The following ETV6 variants were observed in gnomAD, a reference collection of about 807,000 sequenced individuals.
The protein encoded by ETV6 is transcription factor ETV6.
In ETV6, 16 loss-of-function variants were observed where a neutral mutation model predicts 51.1. The ratio of observed to expected loss-of-function variants is 0.31; its 90% confidence interval spans 0.21 to 0.48. The LOEUF is 0.48. Ranked by LOEUF, ETV6 falls within the 20% of genes least tolerant of loss-of-function variation. ETV6 has a pLI of 0.99. For missense variants in ETV6, 458 were observed against 594.8 expected (o/e 0.77, Z 2.39); for synonymous variants, 240 against 224.1 (o/e 1.07, Z -0.64).
intron 1 of ETV6, among the ~76,000 whole-genome samples, chr12:11,719,555 C>T (rs1865343189): frequency 6.6e-6 from 1 of 152,238 alleles, no homozygotes; most frequent in Admixed American, 6.5e-5. Flanking sequence ...AGTAATAAAG[C>T]AAACCAGTTT....
chr12:11,886,732 C>A (rs1947192405), intron 7 of ETV6, among the ~76,000 whole-genome samples: 8 of 152,074 alleles, frequency 5.3e-5, no homozygotes, highest in Admixed American at 5.2e-4. Context: ...GATTGTAATT[C>A]CAAGTACTAT....
At chr12:11,653,579 C>T (rs758936723) in intron 1 of ETV6, among the ~76,000 whole-genome samples, 6 of 152,104 alleles carry the variant, frequency 3.9e-5, no homozygotes, top group Non-Finnish European at 7.4e-5. Context: ...TGGCAGCTGG[C>T]ATAGAAATAT....
At chr12:11,812,920 C>T (rs974717376) in intron 2 of ETV6, among the ~76,000 whole-genome samples, 1 of 152,204 alleles carries the variant, frequency 6.6e-6, no homozygotes, top group Non-Finnish European at 1.5e-5. Context: ...TTAGTGATTT[C>T]CTGCCACCCA....
intron 1 of ETV6, among the ~76,000 whole-genome samples, chr12:11,710,857 A>C (rs1865160246): frequency 6.6e-6 from 1 of 152,172 alleles, no homozygotes; most frequent in African/African-American, 2.4e-5. Flanking sequence ...TGGTTAGTGT[A>C]GGGTCATGAG....
chr12:11,754,884 C>T (rs1486308379), intron 2 of ETV6, among the ~76,000 whole-genome samples: 1 of 152,224 alleles, frequency 6.6e-6, no homozygotes, highest in Non-Finnish European at 1.5e-5. Context: ...TTAATTCATT[C>T]TCACAATACC....
chr12:11,792,603 C>G (rs925083358), intron 2 of ETV6, among the ~76,000 whole-genome samples: 9 of 151,782 alleles, frequency 5.9e-5, no homozygotes, highest in Non-Finnish European at 1.2e-4. Flanking sequence ...GGGAGAATTG[C>G]TTGAACCCGG....
chr12:11,679,614 C>G (rs931130881), intron 1 of ETV6, among the ~76,000 whole-genome samples: 2 of 152,282 alleles, frequency 1.3e-5, no homozygotes, highest in African/African-American at 4.8e-5. Flanking sequence ...TAAATAAATA[C>G]TTTTTTAAAT....
chr12:11,773,269 A>G (rs975126830), intron 2 of ETV6, among the ~76,000 whole-genome samples: 1 of 150,678 alleles, frequency 6.6e-6, no homozygotes, highest in Admixed American at 6.6e-5. Flanking sequence ...CTTTGTTGGT[A>G]TAAAGAATTT....
intron 2 of ETV6, among the ~76,000 whole-genome samples, chr12:11,759,643 A>G (rs370827973): frequency 1.3e-5 from 2 of 152,114 alleles, no homozygotes; most frequent in South Asian, 4.1e-4. Context: ...CCAACCCTCA[A>G]TACGTCTGTG....
chr12:11,866,647 G>C (rs1314958986), intron 4 of ETV6, among the ~76,000 whole-genome samples: 1 of 152,114 alleles, frequency 6.6e-6, no homozygotes, highest in Non-Finnish European at 1.5e-5. Flanking sequence ...GGCCATTCTG[G>C]GGTAACAAAC....
intron 3 of ETV6, 40 bp downstream of exon 3, chr12:11,839,344 G>T: frequency 1.3e-6 from 2 of 1,582,746 alleles, no homozygotes; most frequent in Non-Finnish European, 1.7e-6. Context: ...AACTTGGAAA[G>T]TCTCTTAGTT....
intron 2 of ETV6, 41 bp from the exon 3 acceptor site, chr12:11,839,099 A>G (rs1387545739): frequency 2.5e-6 from 4 of 1,591,394 alleles, no homozygotes; most frequent in Non-Finnish European, 3.4e-6. Flanking sequence ...AACTGACAAG[A>G]CCTTTCTCTC....
At chr12:11,828,590 G>T (rs533848769) in intron 2 of ETV6, among the ~76,000 whole-genome samples, 1 of 152,274 alleles carries the variant, frequency 6.6e-6, no homozygotes, top group South Asian at 2.1e-4. Context: ...ATTCTCCAGG[G>T]ATCCATGGAT....
intron 2 of ETV6, among the ~76,000 whole-genome samples, chr12:11,756,346 C>G (rs752428214): frequency 1.3e-5 from 2 of 152,116 alleles, no homozygotes; most frequent in Admixed American, 6.5e-5. Flanking sequence ...AGAGCAAACA[C>G]AAGTATGTTT....
At chr12:11,794,994 A>G (rs1318273206) in intron 2 of ETV6, among the ~76,000 whole-genome samples, 1 of 152,234 alleles carries the variant, frequency 6.6e-6, no homozygotes, top group Non-Finnish European at 1.5e-5. Context: ...TCTGATGTCC[A>G]TGGCATGCCA....
chr12:11,755,448 T>C (rs1944994067), intron 2 of ETV6, among the ~76,000 whole-genome samples: 2 of 152,334 alleles, frequency 1.3e-5, no homozygotes, highest in African/African-American at 2.4e-5. Flanking sequence ...ACATCTGTAT[T>C]GAATCCTCTG....
chr12:11,653,973 C>T (rs534028489), intron 1 of ETV6, among the ~76,000 whole-genome samples: 13 of 151,996 alleles, frequency 8.6e-5, no homozygotes, highest in African/African-American at 2.7e-4. Context: ...CCACCATGCC[C>T]GGCTAATTTT....
intron 2 of ETV6, among the ~76,000 whole-genome samples, chr12:11,779,145 T>G (rs1945376899): frequency 6.6e-6 from 1 of 152,260 alleles, no homozygotes; most frequent in African/African-American, 2.4e-5. Flanking sequence ...TCTTTGTGGA[T>G]GCACACGTGC....
chr12:11,670,836 A>C (rs968395520), intron 1 of ETV6, among the ~76,000 whole-genome samples: 14 of 152,258 alleles, frequency 9.2e-5, no homozygotes, highest in African/African-American at 2.9e-4. Flanking sequence ...TTCAGTAAGT[A>C]CTACACTTTG....
Sources: gnomAD v4.1 joint callset for allele counts (sites outside exome capture counted in the v4.1 genomes callset) on GRCh38, gnomAD v4.1.1 for gene constraint, MANE v1.5 for transcripts, NCBI Gene and HGNC (gene_info 2026-07-23, HGNC 2026-07-21) for gene names.